Variants in EEF2K observed in about 807,000 individuals in gnomAD.
EEF2K encodes eukaryotic elongation factor 2 kinase, also known as alternative protein EEF2K.
A neutral mutation model predicts 93.8 loss-of-function variants in EEF2K; 70 were observed. That is an observed-to-expected ratio of 0.75 (90% CI 0.62 to 0.91). EEF2K has a LOEUF of 0.91. EEF2K is among the 40% of genes least tolerant of loss of function. EEF2K has a pLI of 0.00. For synonymous variants in EEF2K, 376 were observed against 380.8 expected, an observed-to-expected ratio of 0.99 and a Z score of 0.15; for missense variants, 935 against 972.9, an observed-to-expected ratio of 0.96 and a Z score of 0.52.
chr16:22,211,944 A>G (rs945119975), intron 1 of EEF2K, among the ~76,000 whole-genome samples: 1 of 151,744 alleles, frequency 6.6e-6, no homozygotes, highest in African/African-American at 2.4e-5. Flanking sequence ...AGACACTCAC[A>G]TGGTCTGGCC....
chr16:22,248,881 C>A, intron 4 of EEF2K, 66 bp downstream of exon 4: 1 of 1,523,644 alleles, frequency 6.6e-7, no homozygotes, highest in South Asian at 1.2e-5. Flanking sequence ...TAACTTTGGT[C>A]TGTGCACCCT....
intron 6 of EEF2K, among the ~76,000 whole-genome samples, chr16:22,252,084 G>A (rs1313873784): frequency 1.3e-5 from 2 of 152,188 alleles, no homozygotes; most frequent in African/African-American, 4.8e-5. Flanking sequence ...GTGAGCCATT[G>A]CACTTGTTCC....
At position 22,250,704 on chromosome 16, in the gene EEF2K, G is replaced by T; in HGVS notation, c.446+13G>T. 6.2e-7 allele frequency: 1 copy of T among 1,614,166 alleles called. No individual in the cohort carries two copies. Among genetic ancestry groups the T allele is most frequent in the East Asian group, 2.2e-5 (1 of 44,882 alleles). ...AGTGCTTCCGGACGTAAGTGACTCA[G>T]CCTGGCTCTTGGGGCCCTGCCCAGA... On this transcript the variant is annotated intron_variant, in intron 5 of 17. Transcript: ENST00000263026.
intron 1 of EEF2K, among the ~76,000 whole-genome samples, chr16:22,223,966 G>A (rs2047038827): frequency 6.6e-6 from 1 of 152,136 alleles, no homozygotes; most frequent in Admixed American, 6.6e-5. Flanking sequence ...CAGCACTTTG[G>A]GAGGCCGAGG....
chr16:22,254,409 C>A (rs1475758079), intron 6 of EEF2K, among the ~76,000 whole-genome samples: 1 of 152,110 alleles, frequency 6.6e-6, no homozygotes, highest in East Asian at 1.9e-4. Flanking sequence ...AGATCAGGAC[C>A]CCTTCGGCCT....
chr16:22,216,398 T>G (rs954901427), intron 1 of EEF2K, among the ~76,000 whole-genome samples: 5 of 152,208 alleles, frequency 3.3e-5, no homozygotes, highest in African/African-American at 7.2e-5. Flanking sequence ...TTATTTGTCT[T>G]TCTTATTTCC....
chr16:22,280,108 C>G (rs999397325), intron 16 of EEF2K, 90 bp from the exon 17 acceptor site: 13 of 1,332,242 alleles, frequency 9.8e-6, no homozygotes, highest in Admixed American at 3.3e-5. Context: ...CTGCTGGGAT[C>G]CCTGACTTGC....
chr16:22,245,277 A>G (rs1031744289), intron 3 of EEF2K, among the ~76,000 whole-genome samples: 4 of 152,166 alleles, frequency 2.6e-5, no homozygotes, highest in African/African-American at 9.7e-5. Context: ...CAAAAATAAA[A>G]TAAAATAAAA....
chr16:22,284,931 T>G lies in EEF2K; in HGVS notation c.*935T>G, dbSNP rs1418385708. On this transcript the variant is annotated 3_prime_UTR_variant, in exon 18 of 18. Transcript: ENST00000263026. ...AAGGGCCTGCATGTTGGCTGTTTTT[T>G]AAACTTCTAGTTCAATTTCCTTCCA... 6.6e-6 allele frequency: 1 copy of G among 152,656 alleles called. No individual in the cohort carries two copies. 9.5% of individuals were successfully genotyped at this position (152,656 alleles called of 1,614,324 possible).
intron 6 of EEF2K, among the ~76,000 whole-genome samples, chr16:22,256,031 G>A (rs1364587464): frequency 6.6e-6 from 1 of 151,152 alleles, no homozygotes; most frequent in Non-Finnish European, 1.5e-5. Flanking sequence ...CTCCTGCCTC[G>A]ACACCCTGAG....
At chr16:22,209,452 T>C (rs1006864331) in intron 1 of EEF2K, among the ~76,000 whole-genome samples, 1 of 152,112 alleles carries the variant, frequency 6.6e-6, no homozygotes, top group Non-Finnish European at 1.5e-5. Context: ...AAGCCAAGGG[T>C]GAACAGCAGA....
chr16:22,268,950 C>T (rs1398660638), intron 15 of EEF2K, among the ~76,000 whole-genome samples: 4 of 148,978 alleles, frequency 2.7e-5, no homozygotes. Flanking sequence ...GAGCAAGACT[C>T]CATCTCAAAA....
chr16:22,229,665 C>T (rs1420292631), intron 2 of EEF2K, among the ~76,000 whole-genome samples: 3 of 152,178 alleles, frequency 2.0e-5, no homozygotes, highest in Non-Finnish European at 4.4e-5. Flanking sequence ...TGTGCCACTG[C>T]ACTCCAGCCT....
At chr16:22,258,330 C>T (rs1367173365) in intron 9 of EEF2K, among the ~76,000 whole-genome samples, 164 bp from the exon 10 acceptor site, 1 of 152,002 alleles carries the variant, frequency 6.6e-6, no homozygotes, top group Non-Finnish European at 1.5e-5. Flanking sequence ...TAGGTTTAAT[C>T]CCTGACTGAT....
In EEF2K at chr16:22,257,277, C is replaced by T. The variant is rs778410008; in HGVS notation, c.793C>T (p.Arg265Cys). Residue 265 changes from arginine to cysteine, a missense_variant, in exon 8 of 18, where the codon CGT becomes TGT. Arg to Cys is a radical substitution (Grantham distance 180). Coordinates refer to ENST00000263026, the MANE Select transcript of EEF2K (RefSeq NM_013302.5). ...PQAFSHFTFE[R>C]SGHQLIVVDI... ...GGCCTTCAGCCACTTCACTTTTGAG[C>T]GTTCCGGCCATCAGCTGATAGTGGT... 1.1e-5 allele frequency: 18 copies of T among 1,613,996 alleles called. No homozygotes were observed. The highest frequency in any genetic ancestry group is 1.6e-4 in the Middle Eastern group (1 of 6,084).
chr16:22,236,174 A>G lies in EEF2K; in HGVS notation c.247-8456A>G, dbSNP rs190405850. Among the ~76,000 whole-genome samples, 122 of 152,176 alleles carry G rather than the reference A, an allele frequency of 8.0e-4. 1 individual carries two copies. The highest frequency in any genetic ancestry group is 2.9e-3 in the African/African-American group (119 of 41,544). ...TACCAAACCTCTAAGTGCATGTGGC[A>G]TAGATTGTGGCCTCTACACACCACT... On this transcript the variant is annotated intron_variant, in intron 2 of 17. Coordinates refer to ENST00000263026, the MANE Select transcript of EEF2K (RefSeq NM_013302.5).
At chr16:22,273,542 G>C in intron 15 of EEF2K, 84 bp from the exon 16 acceptor site, 1 of 1,556,180 alleles carries the variant, frequency 6.4e-7, no homozygotes, top group South Asian at 1.2e-5. Context: ...AAAACAGGGT[G>C]AAGATTGAGT....
chr16:22,258,805 T>G, intron 10 of EEF2K, 110 bp downstream of exon 10: 1 of 1,443,570 alleles, frequency 6.9e-7, no homozygotes, highest in East Asian at 2.3e-5. Flanking sequence ...TCGAAAAGGT[T>G]CATGGCCCCA....
intron 15 of EEF2K, among the ~76,000 whole-genome samples, chr16:22,271,502 A>C (rs1308343096): frequency 6.6e-6 from 1 of 152,066 alleles, no homozygotes; most frequent in Admixed American, 6.6e-5. Context: ...CAGCCTGGGC[A>C]ACATAGCAAA....
Sources: allele counts gnomAD v4.1 joint callset (sites outside exome capture counted in the v4.1 genomes callset), GRCh38; gene constraint gnomAD v4.1.1; transcripts MANE v1.5; gene names NCBI Gene and HGNC (gene_info 2026-07-23, HGNC 2026-07-21).